The following CCDC18 variants were observed in gnomAD, a reference collection of about 807,000 sequenced individuals.
CCDC18 encodes the protein coiled-coil domain-containing protein 18.
In CCDC18, 157 loss-of-function variants were observed where a neutral mutation model predicts 196.0. The observed-to-expected ratio is 0.80, with a 90% confidence interval of 0.70 to 0.91. CCDC18 has a LOEUF of 0.91. Among genes scored for constraint, CCDC18 ranks in the 40% least tolerant of loss-of-function variants. The probability of loss-of-function intolerance (pLI) is 0.00; values close to 1 mark genes in which losing one functional copy is unlikely to be tolerated. For missense variants in CCDC18, 1,465 were observed against 1,611.6 expected (o/e 0.91, Z 1.56); for synonymous variants, 482 against 529.2 (o/e 0.91, Z 1.22).
intron 4 of CCDC18, among the ~76,000 whole-genome samples, chr1:93,189,810 G>A (rs1485719427): frequency 3.3e-5 from 5 of 151,940 alleles, no homozygotes; most frequent in African/African-American, 7.3e-5. Context: ...CTACAGGCAC[G>A]TGCCACCATG....
chr1:93,238,388 A>G (rs1383211903), intron 19 of CCDC18, among the ~76,000 whole-genome samples: 1 of 152,194 alleles, frequency 6.6e-6, no homozygotes, highest in Non-Finnish European at 1.5e-5. Flanking sequence ...TACATTATAC[A>G]TGTATAATTT....
Position 93,264,800 on chromosome 1 carries a change from T to C in CCDC18, c.3784T>C (p.Leu1262=), listed in dbSNP as rs368801711. ...QLNEQLEKAK[L]ELEEAQDTVS... is the part of the protein sequence containing the mutation. ...AAACGAACAGTTAGAGAAGGCAAAA[T>C]TGGAATTAGAAGAAGCTCAGGATAC... The change falls in exon 27 of 29, where the codon TTG becomes CTG. Residue 1262 remains leucine, a synonymous_variant. Transcript: ENST00000690025. 2.5e-5 allele frequency: 41 copies of C among 1,613,176 alleles called. No homozygotes were observed. The highest frequency in any genetic ancestry group is 3.5e-5 in the Non-Finnish European group (41 of 1,179,460).
intron 10 of CCDC18, 35 bp downstream of exon 10, chr1:93,210,961 G>A: frequency 6.2e-7 from 1 of 1,609,564 alleles, no homozygotes; most frequent in Non-Finnish European, 8.5e-7. Flanking sequence ...ATAGCAAATA[G>A]AATGTTTTTT....
chr1:93,240,170 TTAA>T (rs1437816132), intron 21 of CCDC18, among the ~76,000 whole-genome samples: 66 of 152,344 alleles, frequency 4.3e-4, no homozygotes, highest in African/African-American at 1.4e-3. Flanking sequence ...CAGGAGGATA[TTAA>T]TAATGATAAT....
chr1:93,223,790 TG>T (rs1657822459), intron 16 of CCDC18, among the ~76,000 whole-genome samples: 1 of 152,150 alleles, frequency 6.6e-6, no homozygotes, highest in Admixed American at 6.6e-5. Context: ...CTTCTTTTTT[TG>T]AAGATGCATA....
chr1:93,266,442 T>A (rs1664513149), intron 27 of CCDC18, among the ~76,000 whole-genome samples: 3 of 151,914 alleles, frequency 2.0e-5, no homozygotes, highest in Admixed American at 1.3e-4. Context: ...ATAAGTAAGA[T>A]CAGAGCAGAA....
chr1:93,254,861 A>G (rs925680746), intron 24 of CCDC18, among the ~76,000 whole-genome samples: 5 of 149,372 alleles, frequency 3.3e-5, no homozygotes, highest in Admixed American at 3.3e-4. Context: ...TATCTTTCAT[A>G]TAGTAAATCT....
intron 6 of CCDC18, among the ~76,000 whole-genome samples, chr1:93,196,456 T>G (rs1270580979): frequency 6.6e-6 from 1 of 152,218 alleles, no homozygotes; most frequent in African/African-American, 2.4e-5. Context: ...AAATGACTCA[T>G]ATAATGTTTA....
intron 4 of CCDC18, chr1:93,191,061 G>T: frequency 1.3e-6 from 1 of 740,986 alleles, no homozygotes; most frequent in Non-Finnish European, 2.3e-6. Flanking sequence ...TGTTCACCAT[G>T]TTTGCGGGAG....
chr1:93,186,577 T>A, intron 4 of CCDC18, 74 bp downstream of exon 4: 1 of 1,219,122 alleles, frequency 8.2e-7, no homozygotes, highest in Non-Finnish European at 1.2e-6. Flanking sequence ...AAAATATTCC[T>A]TGTATTGCCA....
chr1:93,229,423 A>G (rs572666897), intron 17 of CCDC18, among the ~76,000 whole-genome samples: 1 of 152,246 alleles, frequency 6.6e-6, no homozygotes, highest in Non-Finnish European at 1.5e-5. Context: ...TTGTAACAGC[A>G]GAGTTGTGAA....
At chr1:93,271,561 G>C in intron 28 of CCDC18, 4 of 979,374 alleles carry the variant, frequency 4.1e-6, no homozygotes, top group Non-Finnish European at 3.6e-6. Flanking sequence ...TAAGCTGGGT[G>C]CAGTGGCACA....
intron 28 of CCDC18, among the ~76,000 whole-genome samples, chr1:93,274,962 C>T (rs1445991649): frequency 6.6e-6 from 1 of 152,182 alleles, no homozygotes. Context: ...GCATTGACCA[C>T]TGTCAATACT....
chr1:93,256,295 TATTTC>T (rs764542129), intron 24 of CCDC18, 35 bp from the exon 25 acceptor site: 2 of 1,553,334 alleles, frequency 1.3e-6, no homozygotes, highest in Non-Finnish European at 1.8e-6. Flanking sequence ...GTTATCTATA[TATTTC>T]ATTCTGAAAC....
chr1:93,222,222 G>A (rs1202205369), intron 16 of CCDC18, among the ~76,000 whole-genome samples: 1 of 151,832 alleles, frequency 6.6e-6, no homozygotes, highest in East Asian at 1.9e-4. Flanking sequence ...GCAATTCAGA[G>A]CTGACGATTT....
chr1:93,210,185 G>A (rs956268941), intron 9 of CCDC18, among the ~76,000 whole-genome samples: 2 of 152,106 alleles, frequency 1.3e-5, no homozygotes, highest in East Asian at 1.9e-4. Flanking sequence ...GGTGTGATTC[G>A]GTTATAGTTT....
chr1:93,193,790 G>T, intron 6 of CCDC18, 46 bp downstream of exon 6: 1 of 1,433,114 alleles, frequency 7.0e-7, no homozygotes, highest in Admixed American at 2.7e-5. Flanking sequence ...GGGAATAAAA[G>T]GAAATATTAC....
chr1:93,277,646 AG>A (rs368774099), intron 28 of CCDC18, among the ~76,000 whole-genome samples: 1,975 of 150,928 alleles, frequency 0.013, 21 homozygotes, highest in Middle Eastern at 0.024. Flanking sequence ...CAGAATCTCA[AG>A]GCAGAAGAAT....
In CCDC18 at chr1:93,273,103, G is replaced by C. The variant is rs370903113; in HGVS notation, c.4353+2289G>C. 4.5e-3 allele frequency among the ~76,000 whole-genome samples: 684 copies of C among 151,380 alleles called. 8 individuals are homozygous for C. Among genetic ancestry groups the C allele is most frequent in the African/African-American group, 0.015 (637 of 41,184 alleles). On this transcript the variant is annotated intron_variant, in intron 28 of 28. Transcript: ENST00000690025. ...TTTTTTTTTGAGACGGAGTCTGGCT[G>C]TGTTGCCCAGGCTGGAGTGCAGTGG...
Sources: gnomAD v4.1 joint callset for allele counts (sites outside exome capture counted in the v4.1 genomes callset) on GRCh38, gnomAD v4.1.1 for gene constraint, MANE v1.5 for transcripts, NCBI Gene and HGNC (gene_info 2026-07-23, HGNC 2026-07-21) for gene names.